ARHGAP44: variants seen among roughly 807,000 people sequenced by gnomAD.
ARHGAP44 encodes the protein Rho GTPase activating protein 44.
A neutral mutation model predicts 106.8 loss-of-function variants in ARHGAP44; 43 were observed. The observed-to-expected ratio is 0.40, with a 90% CI of 0.32 to 0.52. The LOEUF (loss-of-function observed/expected upper bound fraction) is 0.52. Among genes scored for constraint, ARHGAP44 ranks in the 20% least tolerant of loss-of-function variants. ARHGAP44 has a pLI of 0.48. For synonymous variants in ARHGAP44, 439 were observed against 410.3 expected (o/e 1.07, Z -0.85); for missense variants, 866 against 1,050.5 (o/e 0.82, Z 2.43).
At chr17:12,871,643 C>T (rs2036410737) in intron 1 of ARHGAP44, among the ~76,000 whole-genome samples, 1 of 152,102 alleles carries the variant, frequency 6.6e-6, no homozygotes, top group African/African-American at 2.4e-5. Flanking sequence ...TCCCACTAGG[C>T]CCCTCGTCCA....
At chr17:12,846,098 GA>G (rs200182544) in intron 1 of ARHGAP44, among the ~76,000 whole-genome samples, 331 of 144,730 alleles carry the variant, frequency 2.3e-3, no homozygotes, top group African/African-American at 5.2e-3. Context: ...TGGTTTCCAG[GA>G]AAAAAAAAAA....
intron 1 of ARHGAP44, among the ~76,000 whole-genome samples, chr17:12,798,334 T>C (rs2033987286): frequency 6.6e-6 from 1 of 152,246 alleles, no homozygotes; most frequent in African/African-American, 2.4e-5. Context: ...TTATGTTACA[T>C]ATTGCATAAT....
chr17:12,842,120 G>A (rs1211208849), intron 1 of ARHGAP44, among the ~76,000 whole-genome samples: 1 of 151,000 alleles, frequency 6.6e-6, no homozygotes, highest in Non-Finnish European at 1.5e-5. Context: ...TGATGTCATT[G>A]GTCTGCGACA....
intron 1 of ARHGAP44, among the ~76,000 whole-genome samples, chr17:12,808,718 G>T (rs535201864): frequency 6.6e-6 from 1 of 152,178 alleles, no homozygotes; most frequent in African/African-American, 2.4e-5. Flanking sequence ...CCTCTGATAT[G>T]CCCTGGGGAC....
At chr17:12,835,102 A>C (rs1347140652) in intron 1 of ARHGAP44, among the ~76,000 whole-genome samples, 1 of 152,220 alleles carries the variant, frequency 6.6e-6, no homozygotes, top group East Asian at 1.9e-4. Context: ...GATGTCGAGA[A>C]AGAACATCCC....
intron 1 of ARHGAP44, among the ~76,000 whole-genome samples, chr17:12,866,348 T>C (rs190245318): frequency 1.5e-3 from 235 of 152,294 alleles, no homozygotes; most frequent in African/African-American, 5.3e-3. Flanking sequence ...CCTAAATGAA[T>C]TGAGGTTATT....
chr17:12,984,595 C>T lies in ARHGAP44; in HGVS notation c.2004C>T (p.Asp668=), dbSNP rs374439788. ...VPFGQPGAMA[D]QSAGQPSPVS... Reference sequence around the variant, plus strand: ...TTGGCCAGCCGGGGGCTATGGCAGACCAGTCCGCTGGCCAGCCGTCCCCAG... The same window carrying T: ...TTGGCCAGCCGGGGGCTATGGCAGATCAGTCCGCTGGCCAGCCGTCCCCAG... Residue 668 remains aspartate (D), a synonymous_variant, in exon 20 of 21, where the codon GAC becomes GAT. Coordinates refer to ENST00000379672, the MANE Select transcript of ARHGAP44 (RefSeq NM_014859.6). 2 of 1,604,138 alleles carry T rather than the reference C, an allele frequency of 1.2e-6. No homozygotes were observed. Among genetic ancestry groups the T allele is most frequent in the East Asian group, 2.2e-5 (1 of 44,810 alleles).
intron 1 of ARHGAP44, among the ~76,000 whole-genome samples, chr17:12,857,765 GTTATTTATTTA>G (rs1481440769): frequency 2.8e-4 from 41 of 145,624 alleles, no homozygotes; most frequent in African/African-American, 9.5e-4. Flanking sequence ...GGTTGCCCAT[GTTATTTATTTA>G]TTTATTTATT....
At chr17:12,948,765 C>CACACACACACACA (rs1263945026) in intron 10 of ARHGAP44, among the ~76,000 whole-genome samples, 1 of 148,000 alleles carries the variant, frequency 6.8e-6, no homozygotes, top group South Asian at 2.1e-4. Context: ...CTGTAGACCT[C>CACACACACACACA]CTCACATTCA....
At chr17:12,937,646 C>T (rs544899127) in intron 7 of ARHGAP44, among the ~76,000 whole-genome samples, 8 of 152,278 alleles carry the variant, frequency 5.3e-5, no homozygotes, top group African/African-American at 1.7e-4. Context: ...GTTTGTTCAG[C>T]TTTTTACCTG....
In ARHGAP44 at chr17:12,805,297, G is replaced by T. The variant is rs144805512; in HGVS notation, c.53+15406G>T. 2.6e-5 allele frequency among the ~76,000 whole-genome samples: 4 copies of T among 152,258 alleles called. No individual in the cohort carries two copies. In the East Asian group the frequency reaches 7.7e-4, roughly 29 times the overall value. On this transcript the variant is annotated intron_variant, in intron 1 of 20. Coordinates refer to ENST00000379672, the MANE Select transcript of ARHGAP44 (RefSeq NM_014859.6). Reference sequence around the variant, plus strand: ...GCTGTGTGTCTTTGCAGGGATTGGGGTTTCTTCATCTCTGTGTCCTGACTG... The same window carrying T: ...GCTGTGTGTCTTTGCAGGGATTGGGTTTTCTTCATCTCTGTGTCCTGACTG...
chr17:12,945,106 G>T (rs2038818104), intron 10 of ARHGAP44, among the ~76,000 whole-genome samples: 1 of 151,996 alleles, frequency 6.6e-6, no homozygotes, highest in Non-Finnish European at 1.5e-5. Context: ...CGCCTCCTGG[G>T]TTCAAGCGAT....
chr17:12,880,134 A>T lies in ARHGAP44; in HGVS notation c.54-14806A>T, dbSNP rs557219876. Among the ~76,000 whole-genome samples the T allele has an allele frequency of 2.6e-3, 396 of 152,248 alleles. 10 individuals carry two copies. The East Asian group carries it at 0.044, about 17-fold the overall frequency. ...ATGAACATTTTGTTTTTCATCTTGT[A>T]GGAATCATTTATGTAATATGCTTAA... On this transcript the variant is annotated intron_variant, in intron 1 of 20. Transcript: ENST00000379672.
chr17:12,935,486 C>T (rs2038519696), intron 7 of ARHGAP44, among the ~76,000 whole-genome samples: 2 of 150,800 alleles, frequency 1.3e-5, no homozygotes, highest in African/African-American at 4.9e-5. Context: ...AGGAGAATCA[C>T]TTGAACCTGG....
chr17:12,959,017 G>GCTACGAGTCACCTAA, intron 16 of ARHGAP44, 120 bp downstream of exon 16: 1 of 1,218,188 alleles, frequency 8.2e-7, no homozygotes, highest in Non-Finnish European at 1.2e-6. Context: ...CAGTTTAGGT[G>GCTACGAGTCACCTAA]ACTCGTAGCA....
In ARHGAP44 at chr17:12,811,681, G is replaced by GTA. The variant is rs544277508; in HGVS notation, c.53+21790_53+21791insTA. ...TATTAAGTCTAGGTAATTAGTGTCAGCATTGAGTTGAATTTTAGGACACCC... is the reference window on the plus strand; with the variant it reads ...TATTAAGTCTAGGTAATTAGTGTCAGTACATTGAGTTGAATTTTAGGACACCC... On this transcript the variant is annotated intron_variant, in intron 1 of 20. Transcript: ENST00000379672. Among the ~76,000 whole-genome samples, 404 of 152,272 alleles carry GTA rather than the reference G, an allele frequency of 2.7e-3. 4 individuals are homozygous for GTA. Among genetic ancestry groups the GTA allele is most frequent in the Admixed American group, 4.0e-3 (61 of 15,304 alleles).
chr17:12,805,932 A>G (rs2034261523), intron 1 of ARHGAP44, among the ~76,000 whole-genome samples: 1 of 152,154 alleles, frequency 6.6e-6, no homozygotes, highest in Non-Finnish European at 1.5e-5. Context: ...TCACCTCTTC[A>G]TTGATTAGCC....
At chr17:12,938,597 A>C (rs945673300) in intron 7 of ARHGAP44, among the ~76,000 whole-genome samples, 1 of 151,556 alleles carries the variant, frequency 6.6e-6, no homozygotes, top group African/African-American at 2.4e-5. Flanking sequence ...AAAAAAAAAA[A>C]AAAAAACAGC....
intron 20 of ARHGAP44, chr17:12,985,990 AAG>A (rs2039947095): frequency 6.6e-6 from 1 of 152,156 alleles, no homozygotes; most frequent in Non-Finnish European, 1.5e-5. Flanking sequence ...CCTTCTCCAA[AAG>A]AGTGATTTAT....
Sources: allele counts gnomAD v4.1 joint callset (sites outside exome capture counted in the v4.1 genomes callset), GRCh38; gene constraint gnomAD v4.1.1; transcripts MANE v1.5; gene names NCBI Gene and HGNC (gene_info 2026-07-23, HGNC 2026-07-21).